Variants in EYS observed in about 807,000 individuals in gnomAD.
EYS encodes EGF-like photoreceptor maintenance factor.
A neutral mutation model predicts 282.1 loss-of-function variants in EYS; 250 were observed. The observed-to-expected ratio is 0.89, with a 90% CI of 0.80 to 0.98. EYS has a LOEUF of 0.98. Ranked by LOEUF, EYS falls within the 50% of genes least tolerant of loss-of-function variation. The pLI is 0.00. For missense variants in EYS, 4,016 were observed against 3,709.0 expected (o/e 1.08, Z -2.15); for synonymous variants, 1,355 against 1,282.9 (o/e 1.06, Z -1.20).
intron 2 of EYS, among the ~76,000 whole-genome samples, chr6:65,540,238 A>AC (rs1768112023): frequency 6.6e-6 from 1 of 152,172 alleles, no homozygotes; most frequent in Admixed American, 6.6e-5. Flanking sequence ...TTCTAAGAAA[A>AC]TGGAACAAAC....
In EYS at chr6:65,522,656, T is replaced by C. The variant is rs567959349; in HGVS notation, c.-332-26663A>G. 4.6e-5 allele frequency among the ~76,000 whole-genome samples: 7 copies of C among 152,354 alleles called. No individual in the cohort carries two copies. The East Asian group carries it at 9.6e-4, about 21-fold the overall frequency. On this transcript the variant is annotated intron_variant, in intron 2 of 42. Transcript: ENST00000503581. ...TCAATGCAATTTTGCTTCCAAATTA[T>C]ATGCTAATTTTTATTATGTATTTTG...
chr6:65,265,166 G>T (rs1408441425), intron 12 of EYS, among the ~76,000 whole-genome samples: 2 of 151,964 alleles, frequency 1.3e-5, no homozygotes, highest in Admixed American at 6.6e-5. Context: ...TGGGTAATGA[G>T]ATCTTTTGTA....
At chr6:63,870,897 T>C (rs1461660023) in intron 35 of EYS, among the ~76,000 whole-genome samples, 5 of 152,192 alleles carry the variant, frequency 3.3e-5, no homozygotes, top group Non-Finnish European at 7.3e-5. Flanking sequence ...CACCACTTCA[T>C]CAAAATTCAT....
At chr6:64,527,171 T>C (rs1261113784) in intron 26 of EYS, among the ~76,000 whole-genome samples, 2 of 151,832 alleles carry the variant, frequency 1.3e-5, no homozygotes, top group Non-Finnish European at 3.0e-5. Context: ...ATTTACTGAA[T>C]ATTTCCACAG....
At chr6:64,602,805 A>G (rs1167032525) in intron 24 of EYS, among the ~76,000 whole-genome samples, 2 of 152,090 alleles carry the variant, frequency 1.3e-5, no homozygotes, top group African/African-American at 2.4e-5. Flanking sequence ...GGAGCTCAAA[A>G]TAAGTGGTAA....
chr6:63,748,344 A>G (rs1456945463), intron 41 of EYS, among the ~76,000 whole-genome samples: 1 of 152,180 alleles, frequency 6.6e-6, no homozygotes, highest in African/African-American at 2.4e-5. Context: ...AGCCTACTTG[A>G]TTTTGGTGGA....
chr6:64,759,164 A>AG (rs113528233), intron 22 of EYS, among the ~76,000 whole-genome samples: 352 of 6,048 alleles, frequency 0.058, 3 homozygotes, highest in Middle Eastern at 0.5. Flanking sequence ...AGAAAAGAAA[A>AG]AAAATTAGTC....
At chr6:64,439,005 A>G (rs1368137587) in intron 27 of EYS, among the ~76,000 whole-genome samples, 157 bp downstream of exon 27, 2 of 151,726 alleles carry the variant, frequency 1.3e-5, no homozygotes, top group Admixed American at 1.3e-4. Flanking sequence ...GTTCATATAT[A>G]CATAGAAAGA....
At chr6:65,532,120 T>C (rs1214884663) in intron 2 of EYS, among the ~76,000 whole-genome samples, 1 of 152,130 alleles carries the variant, frequency 6.6e-6, no homozygotes, top group Admixed American at 6.6e-5. Flanking sequence ...TTAAATACTT[T>C]AAAAGGTGGT....
chr6:65,447,349 T>C (rs201867074), intron 5 of EYS, among the ~76,000 whole-genome samples: 1 of 139,056 alleles, frequency 7.2e-6, no homozygotes, highest in Non-Finnish European at 1.6e-5. Flanking sequence ...TATATATAAA[T>C]ATATGTATAT....
At chr6:63,823,616 T>A (rs1771380697) in intron 36 of EYS, among the ~76,000 whole-genome samples, 1 of 152,158 alleles carries the variant, frequency 6.6e-6, no homozygotes, top group African/African-American at 2.4e-5. Context: ...TTTACTCTAA[T>A]CATACCTTGA....
intron 35 of EYS, among the ~76,000 whole-genome samples, chr6:63,893,389 T>C (rs992465398): frequency 1.3e-5 from 2 of 151,928 alleles, no homozygotes; most frequent in African/African-American, 2.4e-5. Context: ...TGGAATACTA[T>C]GCAGCCATAA....
intron 41 of EYS, among the ~76,000 whole-genome samples, chr6:63,738,687 T>C (rs980779995): frequency 4.0e-5 from 6 of 151,770 alleles, no homozygotes; most frequent in African/African-American, 1.5e-4. Context: ...TGTATACATA[T>C]GTAACTAACC....
chr6:65,427,107 T>G (rs2150381100), intron 5 of EYS, among the ~76,000 whole-genome samples: 1 of 152,168 alleles, frequency 6.6e-6, no homozygotes, highest in East Asian at 1.9e-4. Flanking sequence ...CCCTGAAGCT[T>G]TTTCTTTAAA....
chr6:63,831,664 G>A (rs1173927729), intron 36 of EYS, among the ~76,000 whole-genome samples: 1 of 152,160 alleles, frequency 6.6e-6, no homozygotes, highest in Non-Finnish European at 1.5e-5. Flanking sequence ...CAAAGAGACA[G>A]AAAGTTAACA....
chr6:64,444,375 C>T (rs1308207681), intron 26 of EYS, among the ~76,000 whole-genome samples: 1 of 151,962 alleles, frequency 6.6e-6, no homozygotes, highest in African/African-American at 2.4e-5. Context: ...TATCTAATAC[C>T]ATTTTTCACA....
intron 2 of EYS, among the ~76,000 whole-genome samples, chr6:65,607,808 TG>T (rs1765853945): frequency 6.6e-6 from 1 of 152,010 alleles, no homozygotes; most frequent in South Asian, 2.1e-4. Context: ...AGAAATAAAA[TG>T]CCACTCTTAT....
chr6:64,503,899 T>C (rs966328677), intron 26 of EYS, among the ~76,000 whole-genome samples: 1 of 152,172 alleles, frequency 6.6e-6, no homozygotes, highest in Admixed American at 6.5e-5. Context: ...TCACAAGATC[T>C]GATGGTTTAA....
intron 5 of EYS, among the ~76,000 whole-genome samples, chr6:65,427,765 G>T (rs1017477298): frequency 6.6e-6 from 1 of 151,894 alleles, no homozygotes; most frequent in African/African-American, 2.4e-5. Flanking sequence ...AATTCATACA[G>T]ATTTGAAATA....
Sources: gnomAD v4.1 joint callset for allele counts (sites outside exome capture counted in the v4.1 genomes callset) on GRCh38, gnomAD v4.1.1 for gene constraint, MANE v1.5 for transcripts, NCBI Gene and HGNC (gene_info 2026-07-23, HGNC 2026-07-21) for gene names.